The following TAFA4 variants were observed in gnomAD, a reference collection of about 807,000 sequenced individuals.
TAFA4 encodes the protein TAFA chemokine like family member 4, also known as chemokine-like protein TAFA-4.
In TAFA4, 20 loss-of-function variants were observed where a neutral mutation model predicts 21.1. The ratio of observed to expected loss-of-function variants is 0.95; its 90% CI spans 0.67 to 1.38. The LOEUF (loss-of-function observed/expected upper bound fraction) is 1.38. Ranked by LOEUF, TAFA4 falls within the 40% of genes most tolerant of loss-of-function variation. The probability of loss-of-function intolerance (pLI) is 0.00; values close to 1 mark genes in which losing one functional copy is unlikely to be tolerated. For synonymous variants in TAFA4, 71 were observed against 67.4 expected (o/e 1.05, Z -0.26); for missense variants, 211 against 180.9 (o/e 1.17, Z -0.95).
chr3:68,774,381 A>G (rs1310641177), intron 3 of TAFA4, among the ~76,000 whole-genome samples: 1 of 152,216 alleles, frequency 6.6e-6, no homozygotes, highest in Non-Finnish European at 1.5e-5. Flanking sequence ...TGGCTCTTGA[A>G]CCGGAGGGAA....
chr3:68,925,110 G>A (rs1475129721), intron 1 of TAFA4, among the ~76,000 whole-genome samples: 1 of 152,204 alleles, frequency 6.6e-6, no homozygotes, highest in African/African-American at 2.4e-5. Flanking sequence ...GAGCAGGACA[G>A]AGTGCAAAGA....
At chr3:68,862,453 T>C (rs1416158862) in intron 3 of TAFA4, among the ~76,000 whole-genome samples, 3 of 152,184 alleles carry the variant, frequency 2.0e-5, no homozygotes, top group African/African-American at 7.2e-5. Flanking sequence ...TACCACATAA[T>C]GGTTCTCACA....
intron 3 of TAFA4, among the ~76,000 whole-genome samples, chr3:68,758,095 G>A (rs1273359896): frequency 1.3e-5 from 2 of 152,156 alleles, no homozygotes; most frequent in African/African-American, 4.8e-5. Context: ...TAAGATGAAG[G>A]AAAGGTTCCC....
At chr3:68,787,559 C>T (rs902247) in intron 3 of TAFA4, among the ~76,000 whole-genome samples, 97,786 of 152,018 alleles carry the variant, frequency 0.64, 31,707 homozygotes, top group South Asian at 0.82. Context: ...AGAGGGCGAA[C>T]GTCCATCGGC....
At chr3:68,747,402 GTTC>G (rs1457295267) in intron 4 of TAFA4, among the ~76,000 whole-genome samples, 3 of 151,766 alleles carry the variant, frequency 2.0e-5, no homozygotes, top group African/African-American at 7.3e-5. Flanking sequence ...TTCCCATGCT[GTTC>G]TTGTGATAGT....
At chr3:68,797,901 T>C (rs2106822682) in intron 3 of TAFA4, among the ~76,000 whole-genome samples, 1 of 152,276 alleles carries the variant, frequency 6.6e-6, no homozygotes, top group South Asian at 2.1e-4. Context: ...TGAGTATACA[T>C]AATGCCACCG....
At chr3:68,829,852 C>T (rs1204976013) in intron 3 of TAFA4, among the ~76,000 whole-genome samples, 1 of 152,174 alleles carries the variant, frequency 6.6e-6, no homozygotes, top group Non-Finnish European at 1.5e-5. Context: ...TTAATTATTG[C>T]CTCAATTTCA....
chr3:68,786,118 C>T (rs555053194), intron 3 of TAFA4, among the ~76,000 whole-genome samples: 1 of 152,026 alleles, frequency 6.6e-6, no homozygotes, highest in South Asian at 2.1e-4. Flanking sequence ...AAGCAAATTG[C>T]TGGATGACAT....
intron 1 of TAFA4, among the ~76,000 whole-genome samples, chr3:68,931,530 A>G (rs1380034147): frequency 6.6e-6 from 1 of 152,180 alleles, no homozygotes; most frequent in Non-Finnish European, 1.5e-5. Context: ...GCGTAGGGTC[A>G]AGGATGCCCT....
intron 5 of TAFA4, among the ~76,000 whole-genome samples, chr3:68,737,593 C>A (rs1202998011): frequency 6.6e-6 from 1 of 152,068 alleles, no homozygotes; most frequent in Non-Finnish European, 1.5e-5. Flanking sequence ...AGCTAAAGTT[C>A]CCATTTAAAA....
chr3:68,733,793 A>G (rs1039824979), intron 5 of TAFA4, among the ~76,000 whole-genome samples: 1 of 152,202 alleles, frequency 6.6e-6, no homozygotes, highest in African/African-American at 2.4e-5. Context: ...ATATTTTTTC[A>G]AAGCAAATTA....
chr3:68,834,098 A>G (rs1575631913), intron 3 of TAFA4, among the ~76,000 whole-genome samples: 4 of 152,350 alleles, frequency 2.6e-5, no homozygotes, highest in African/African-American at 9.6e-5. Flanking sequence ...AATGACTTAC[A>G]TAACTGGTTG....
At chr3:68,734,594 A>G (rs779387911) in intron 5 of TAFA4, among the ~76,000 whole-genome samples, 15 of 152,136 alleles carry the variant, frequency 9.9e-5, no homozygotes, top group Non-Finnish European at 1.9e-4. Flanking sequence ...ACAAAGATGT[A>G]AGAGAAAGAG....
intron 3 of TAFA4, among the ~76,000 whole-genome samples, chr3:68,856,236 G>T (rs536617745): frequency 1.3e-5 from 2 of 152,286 alleles, no homozygotes; most frequent in African/African-American, 4.8e-5. Context: ...AGAAAACTAG[G>T]TAGGAGCATG....
At chr3:68,835,524 A>C (rs766827296) in intron 3 of TAFA4, among the ~76,000 whole-genome samples, 13 of 152,252 alleles carry the variant, frequency 8.5e-5, no homozygotes, top group Non-Finnish European at 1.8e-4. Flanking sequence ...GCCATGAATA[A>C]ATAAACCCCA....
At chr3:68,802,939 G>A (rs1703607258) in intron 3 of TAFA4, among the ~76,000 whole-genome samples, 1 of 152,126 alleles carries the variant, frequency 6.6e-6, no homozygotes, top group African/African-American at 2.4e-5. Context: ...TTGGCAATTT[G>A]CTGTCAAAAT....
chr3:68,759,746 A>G (rs1702726594), intron 3 of TAFA4, among the ~76,000 whole-genome samples: 2 of 152,308 alleles, frequency 1.3e-5, no homozygotes, highest in African/African-American at 4.8e-5. Context: ...TGGAGCAGGC[A>G]AGACTGCGTT....
At chr3:68,860,738 G>T (rs571076602) in intron 3 of TAFA4, among the ~76,000 whole-genome samples, 5 of 152,034 alleles carry the variant, frequency 3.3e-5, no homozygotes, top group African/African-American at 1.2e-4. Context: ...CAAAAAAAAT[G>T]CATTTCAAAG....
intron 3 of TAFA4, among the ~76,000 whole-genome samples, chr3:68,832,666 G>A (rs969891587): frequency 6.6e-6 from 1 of 152,230 alleles, no homozygotes. Flanking sequence ...GAGGCAGTCT[G>A]TCCATTATCA....
Sources: allele counts gnomAD v4.1 joint callset (sites outside exome capture counted in the v4.1 genomes callset), GRCh38; gene constraint gnomAD v4.1.1; transcripts MANE v1.5; gene names NCBI Gene and HGNC (gene_info 2026-07-23, HGNC 2026-07-21).